The following FOXP1 variants were observed in gnomAD, a reference collection of about 807,000 sequenced individuals.
The protein encoded by FOXP1 is forkhead box protein P1.
Under a neutral mutation model 98.2 loss-of-function variants are expected in FOXP1, and 15 were observed. The ratio of observed to expected loss-of-function variants is 0.15; its 90% CI spans 0.10 to 0.24. The LOEUF is 0.24. FOXP1 is among the 10% of genes least tolerant of loss of function. The pLI is 1.00. For synonymous variants in FOXP1, 371 were observed against 314.5 expected (o/e 1.18, Z -1.90); for missense variants, 633 against 848.5 (o/e 0.75, Z 3.15).
At chr3:70,971,748 G>T in intron 18 of FOXP1, 1 of 327,032 alleles carries the variant, frequency 3.1e-6, no homozygotes, top group Non-Finnish European at 5.5e-6. Context: ...TTAAGCACAA[G>T]TATTTAGTTC....
intron 3 of FOXP1, among the ~76,000 whole-genome samples, chr3:71,378,181 G>T (rs78005772): frequency 0.015 from 1,951 of 128,376 alleles, 35 homozygotes; most frequent in African/African-American, 0.051. Context: ...TGGATAAAGA[G>T]ACTCTTTTCT....
chr3:71,579,303 C>A (rs948598155), intron 2 of FOXP1, among the ~76,000 whole-genome samples: 1 of 152,128 alleles, frequency 6.6e-6, no homozygotes, highest in East Asian at 1.9e-4. Flanking sequence ...ACATCTCCAG[C>A]AATATAAACC....
chr3:71,096,977 G>A (rs897440795), intron 7 of FOXP1, among the ~76,000 whole-genome samples: 2 of 152,108 alleles, frequency 1.3e-5, no homozygotes, highest in Non-Finnish European at 2.9e-5. Context: ...TGGCACCTCT[G>A]CGCAAATGAA....
chr3:71,255,676 T>C (rs1464084336), intron 5 of FOXP1, among the ~76,000 whole-genome samples: 1 of 152,212 alleles, frequency 6.6e-6, no homozygotes, highest in Non-Finnish European at 1.5e-5. Context: ...GTAAGTCTGA[T>C]AAAATCTCCC....
intron 2 of FOXP1, among the ~76,000 whole-genome samples, chr3:71,541,355 A>G (rs972176074): frequency 2.0e-5 from 3 of 152,212 alleles, no homozygotes; most frequent in African/African-American, 4.8e-5. Context: ...AGTTGGGTGG[A>G]GAGATTTACT....
chr3:71,016,028 T>A (rs2044422941), intron 11 of FOXP1, among the ~76,000 whole-genome samples: 1 of 152,170 alleles, frequency 6.6e-6, no homozygotes, highest in Non-Finnish European at 1.5e-5. Flanking sequence ...TCTTGCTACA[T>A]CTACAAGGAA....
At position 71,583,641 on chromosome 3, in the gene FOXP1, C is replaced by T; in HGVS notation, c.-517G>A. On this transcript the variant is annotated 5_prime_UTR_variant, in exon 1 of 21. Coordinates refer to ENST00000649528, the MANE Select transcript of FOXP1 (RefSeq NM_001349338.3). ...TTTCCCCGCGCGCGCCCACTCCCGC[C>T]CGCGCGCGCACCCCGCGCACACACT... The T allele has an allele frequency of 1.0e-6, 1 of 984,504 alleles. No individual in the cohort carries two copies. The highest frequency in any genetic ancestry group is 1.2e-6 in the Non-Finnish European group (1 of 829,626). The allele number at this position is 984,504 out of a possible 1,614,324, so 61.0% of individuals were successfully genotyped here.
chr3:71,362,521 G>A (rs2078643387), intron 3 of FOXP1, among the ~76,000 whole-genome samples: 1 of 152,338 alleles, frequency 6.6e-6, no homozygotes, highest in African/African-American at 2.4e-5. Context: ...TCAGGCTGCA[G>A]TGCAGTGGCA....
intron 3 of FOXP1, among the ~76,000 whole-genome samples, chr3:71,377,249 T>G (rs957643854): frequency 3.3e-5 from 5 of 152,182 alleles, no homozygotes; most frequent in African/African-American, 1.2e-4. Context: ...TACCAAAAGG[T>G]AAAATGGATG....
chr3:71,328,507 T>C (rs1431129316), intron 4 of FOXP1, among the ~76,000 whole-genome samples: 2 of 152,252 alleles, frequency 1.3e-5, no homozygotes, highest in East Asian at 3.9e-4. Context: ...AGGGACTTCA[T>C]GCCTCAGAGG....
chr3:71,096,693 T>C (rs572044317), intron 7 of FOXP1, among the ~76,000 whole-genome samples: 1 of 152,280 alleles, frequency 6.6e-6, no homozygotes, highest in South Asian at 2.1e-4. Flanking sequence ...AGTAAGATAT[T>C]TCTCAGACAG....
intron 5 of FOXP1, among the ~76,000 whole-genome samples, chr3:71,293,194 T>C (rs1012337343): frequency 6.6e-5 from 10 of 152,236 alleles, no homozygotes; most frequent in Admixed American, 6.5e-4. Flanking sequence ...CCTACATCTG[T>C]GGTACGTCGT....
intron 3 of FOXP1, among the ~76,000 whole-genome samples, chr3:71,466,500 T>C (rs1033262979): frequency 2.6e-5 from 4 of 152,272 alleles, no homozygotes; most frequent in Admixed American, 1.3e-4. Flanking sequence ...AGAAGATTCT[T>C]GCTAAAATGA....
intron 5 of FOXP1, among the ~76,000 whole-genome samples, chr3:71,212,834 A>G (rs2064591783): frequency 6.6e-6 from 1 of 152,100 alleles, no homozygotes; most frequent in Admixed American, 6.6e-5. Flanking sequence ...AATTGCTATA[A>G]TTTAAAGACA....
chr3:71,240,699 G>A (rs2067194427), intron 5 of FOXP1, among the ~76,000 whole-genome samples: 1 of 151,640 alleles, frequency 6.6e-6, no homozygotes, highest in Non-Finnish European at 1.5e-5. Context: ...GTGCCACCAT[G>A]CCCGGCTAAT....
Position 71,262,264 on chromosome 3 carries a change from C to CAAAAAAAAAAAAAAA in FOXP1, c.-12+37541_-12+37555dup, listed in dbSNP as rs71104433. On this transcript the variant is annotated intron_variant, in intron 5 of 20. Transcript: ENST00000649528. ...CTGGCAACAGGACAAGACTCTGTCA[C>CAAAAAAAAAAAAAAA]AAAAAAAAAAAAAAAAAAAAAAAAA... Among the ~76,000 whole-genome samples, 7 of 25,714 alleles carry CAAAAAAAAAAAAAAA rather than the reference C, an allele frequency of 2.7e-4. 1 individual carries two copies. The highest frequency in any genetic ancestry group is 4.0e-4 in the African/African-American group (3 of 7,426). 16.9% of individuals were successfully genotyped at this position (25,714 alleles called of 152,430 possible).
chr3:71,550,574 T>C (rs1309729465), intron 2 of FOXP1, among the ~76,000 whole-genome samples: 2 of 152,216 alleles, frequency 1.3e-5, no homozygotes, highest in Non-Finnish European at 2.9e-5. Flanking sequence ...TGGAAGCATG[T>C]GCTGAAAGTG....
At chr3:71,334,237 GTC>G (rs2076532198) in intron 4 of FOXP1, 1 of 152,118 alleles carries the variant, frequency 6.6e-6, no homozygotes, top group African/African-American at 2.4e-5. Flanking sequence ...GCGAAATTCT[GTC>G]TCTACTAAAA....
chr3:71,154,467 G>C (rs191948280), intron 6 of FOXP1, among the ~76,000 whole-genome samples: 3 of 152,300 alleles, frequency 2.0e-5, no homozygotes, highest in Admixed American at 2.0e-4. Flanking sequence ...AGCATTCTAA[G>C]AGGAAGTATC....
Sources: allele counts gnomAD v4.1 joint callset (sites outside exome capture counted in the v4.1 genomes callset), GRCh38; gene constraint gnomAD v4.1.1; transcripts MANE v1.5; gene names NCBI Gene and HGNC (gene_info 2026-07-23, HGNC 2026-07-21).